MAF: variants seen among roughly 807,000 people sequenced by gnomAD.
MAF encodes the protein transcription factor Maf.
Under a neutral mutation model 22.0 loss-of-function variants are expected in MAF, and 10 were observed. That is an observed-to-expected ratio of 0.45 (90% CI 0.28 to 0.77). The LOEUF (loss-of-function observed/expected upper bound fraction) is 0.77, where lower values mean the gene tolerates loss of function less well. MAF is among the 30% of genes least tolerant of loss of function. MAF has a pLI of 0.12. For synonymous variants in MAF, 337 were observed against 255.8 expected (o/e 1.32, Z -3.03); for missense variants, 544 against 548.4 (o/e 0.99, Z 0.08).
chr16:79,589,041 GTATC>G (rs1913031359), downstream of MAF, among the ~76,000 whole-genome samples: 1 of 152,138 alleles, frequency 6.6e-6, no homozygotes, highest in Non-Finnish European at 1.5e-5. Context: ...TAGTTTCAAT[GTATC>G]TATCTGTGCA....
At chr16:79,323,572 T>G in the MAF span, among the ~76,000 whole-genome samples, 10 of 152,074 alleles carry the variant, frequency 6.6e-5, no homozygotes, top group Admixed American at 5.9e-4. Context: ...TGGCCGAGTT[T>G]TGGAAACGCA....
the MAF span, among the ~76,000 whole-genome samples, chr16:79,545,927 G>T: frequency 6.6e-6 from 1 of 152,088 alleles, no homozygotes; most frequent in African/African-American, 2.4e-5. Context: ...AGTATGTGGG[G>T]TAATGCATAT....
the MAF span, among the ~76,000 whole-genome samples, chr16:79,380,982 G>A: frequency 2.0e-5 from 3 of 152,236 alleles, no homozygotes; most frequent in African/African-American, 7.2e-5. Context: ...TCTCCCCTAA[G>A]ACCTCCCATA....
the MAF span, among the ~76,000 whole-genome samples, chr16:79,223,178 G>A: frequency 6.6e-6 from 1 of 152,182 alleles, no homozygotes; most frequent in African/African-American, 2.4e-5. Context: ...TCAGACCACA[G>A]TGCAATCATA....
chr16:79,357,638 G>A, the MAF span, among the ~76,000 whole-genome samples: 44 of 152,058 alleles, frequency 2.9e-4, no homozygotes. Flanking sequence ...CATCATGTGG[G>A]TTGGGACCAT....
chr16:79,403,264 G>T, the MAF span, among the ~76,000 whole-genome samples: 1 of 152,154 alleles, frequency 6.6e-6, no homozygotes, highest in Admixed American at 6.5e-5. Context: ...TTCAGCTCCC[G>T]ATTTTCTGTA....
chr16:79,557,060 C>G, the MAF span, among the ~76,000 whole-genome samples: 1 of 151,622 alleles, frequency 6.6e-6, no homozygotes, highest in Admixed American at 6.6e-5. Flanking sequence ...TCAAGTGATC[C>G]TCCCAGGTAG....
chr16:79,494,744 T>G, the MAF span, among the ~76,000 whole-genome samples: 1 of 152,152 alleles, frequency 6.6e-6, no homozygotes, highest in African/African-American at 2.4e-5. Flanking sequence ...CCTGGAGTTA[T>G]GCAGATCCCG....
At chr16:79,503,504 T>G in the MAF span, among the ~76,000 whole-genome samples, 2 of 152,236 alleles carry the variant, frequency 1.3e-5, no homozygotes, top group Non-Finnish European at 2.9e-5. Flanking sequence ...CTCTTCTCTT[T>G]TCTTTGAGAT....
At chr16:79,259,379 G>T in the MAF span, among the ~76,000 whole-genome samples, 2 of 152,156 alleles carry the variant, frequency 1.3e-5, no homozygotes, top group Non-Finnish European at 2.9e-5. Context: ...TCAGAGCTTC[G>T]CTGAGTTCCT....
At position 79,599,699 on chromosome 16, in the gene MAF, G is replaced by A; in HGVS notation, c.204C>T (p.Pro68=). The change falls in exon 1 of 2, where the codon CCC becomes CCT. Residue 68 remains proline, a synonymous_variant. Transcript: ENST00000326043. ...TGGGCGCCGAGAAGCTGGGGGAAGG[G>A]GGCACCGAGCTGCACGGCGTGCTCA... ...TPMSTPCSSV[P]PSPSFSAPSP... The A allele has an allele frequency of 3.1e-6, 5 of 1,612,714 alleles. No homozygotes were observed. The highest frequency in any genetic ancestry group is 2.2e-5 in the East Asian group (1 of 44,810).
At chr16:79,449,870 C>G in the MAF span, among the ~76,000 whole-genome samples, 1 of 152,226 alleles carries the variant, frequency 6.6e-6, no homozygotes, top group South Asian at 2.1e-4. Flanking sequence ...TTTCCCGCTC[C>G]TCACCCCAGA....
At chr16:79,365,079 C>T in the MAF span, among the ~76,000 whole-genome samples, 1 of 152,292 alleles carries the variant, frequency 6.6e-6, no homozygotes, top group South Asian at 2.1e-4. Context: ...GGTTAAACTT[C>T]AACTTCACTT....
the MAF span, among the ~76,000 whole-genome samples, chr16:79,283,936 A>C: frequency 1.3e-5 from 2 of 149,750 alleles, no homozygotes; most frequent in Non-Finnish European, 3.0e-5. Context: ...CATTTAAGTG[A>C]AACCATAATC....
At chr16:79,251,027 G>C in the MAF span, among the ~76,000 whole-genome samples, 1 of 152,164 alleles carries the variant, frequency 6.6e-6, no homozygotes, top group African/African-American at 2.4e-5. Context: ...ATTTTATTAG[G>C]ACTTCACTAA....
At chr16:79,329,417 C>T in the MAF span, among the ~76,000 whole-genome samples, 1,050 of 152,132 alleles carry the variant, frequency 6.9e-3, 13 homozygotes, top group African/African-American at 0.024. Flanking sequence ...TTCACAACAC[C>T]GGTATCTGGT....
chr16:79,346,291 C>T, the MAF span, among the ~76,000 whole-genome samples: 2 of 151,696 alleles, frequency 1.3e-5, no homozygotes, highest in Admixed American at 1.3e-4. Flanking sequence ...GTTTTCTGTC[C>T]TTGCGATAGT....
chr16:79,276,244 T>C, the MAF span, among the ~76,000 whole-genome samples: 1 of 152,200 alleles, frequency 6.6e-6, no homozygotes. Flanking sequence ...CTGAACAGTG[T>C]GCATTTTGAG....
the MAF span, among the ~76,000 whole-genome samples, chr16:79,354,606 A>T: frequency 6.6e-6 from 1 of 152,234 alleles, no homozygotes; most frequent in Non-Finnish European, 1.5e-5. Flanking sequence ...CCATTCCAAC[A>T]GTTCACATCT....
Sources: allele counts gnomAD v4.1 joint callset (sites outside exome capture counted in the v4.1 genomes callset), GRCh38; gene constraint gnomAD v4.1.1; transcripts MANE v1.5; gene names NCBI Gene and HGNC (gene_info 2026-07-23, HGNC 2026-07-21).